The following KCNIP4 variants were observed in gnomAD, a reference collection of about 807,000 sequenced individuals.
The protein encoded by KCNIP4 is potassium voltage-gated channel interacting protein 4, also known as Kv channel-interacting protein 4.
A neutral mutation model predicts 34.0 loss-of-function variants in KCNIP4; 12 were observed. That is an observed-to-expected ratio of 0.35 (90% CI 0.23 to 0.57). KCNIP4 has a LOEUF of 0.57. Among genes scored for constraint, KCNIP4 ranks in the 20% least tolerant of loss-of-function variants. The pLI, the probability that KCNIP4 is intolerant of heterozygous loss-of-function variation, is 0.83. For missense variants in KCNIP4, 238 were observed against 311.7 expected, an observed-to-expected ratio of 0.76 and a Z score of 1.78; for synonymous variants, 124 against 102.2, an observed-to-expected ratio of 1.21 and a Z score of -1.29.
At position 21,304,087 on chromosome 4, in the gene KCNIP4, C is replaced by CAG. The variant is rs145509516; in HGVS notation, c.62-421380_62-421379dup. Reference sequence around the variant, plus strand: ...AGAGAGACAGAGAGAGAGAGAGAGACAGAGAGAGAGAGAGAGAGAGACAGA... The same window carrying CAG: ...AGAGAGACAGAGAGAGAGAGAGAGACAGAGAGAGAGAGAGAGAGAGAGACAGA... On this transcript the variant is annotated intron_variant, in intron 1 of 8. Transcript: ENST00000382152. The CAG allele has an allele frequency of 3.2e-3, 408 of 127,784 alleles. 3 individuals carry two copies. Among genetic ancestry groups the CAG allele is most frequent in the Non-Finnish European group, 3.2e-3 (264 of 81,410 alleles). 7.9% of individuals were successfully genotyped at this position (127,784 alleles called of 1,614,324 possible). A position where few individuals can be genotyped will look rare whatever the true frequency, so the allele number is the denominator to read the frequency against.
chr4:21,080,720 CTTT>C (rs1745930982), intron 1 of KCNIP4, among the ~76,000 whole-genome samples: 1 of 89,274 alleles, frequency 1.1e-5, no homozygotes, highest in African/African-American at 4.1e-5. Context: ...TATATATTTA[CTTT>C]ATTTATTCTA....
At chr4:21,584,037 G>C (rs1741432091) in intron 1 of KCNIP4, among the ~76,000 whole-genome samples, 1 of 152,108 alleles carries the variant, frequency 6.6e-6, no homozygotes, top group South Asian at 2.1e-4. Flanking sequence ...AATAACATAA[G>C]ATTTATATTA....
chr4:21,242,042 C>T (rs1031611669), intron 1 of KCNIP4, among the ~76,000 whole-genome samples: 1 of 151,296 alleles, frequency 6.6e-6, no homozygotes, highest in Admixed American at 6.6e-5. Context: ...TGGGTGCCTG[C>T]AGTCCCAGCT....
chr4:21,313,571 T>G (rs1325483747), intron 1 of KCNIP4, among the ~76,000 whole-genome samples: 2 of 152,278 alleles, frequency 1.3e-5, no homozygotes, highest in Admixed American at 1.3e-4. Flanking sequence ...TGAATACTAA[T>G]TAAGTATATA....
At chr4:21,201,319 A>T (rs1268050437) in intron 1 of KCNIP4, among the ~76,000 whole-genome samples, 1 of 152,216 alleles carries the variant, frequency 6.6e-6, no homozygotes, top group Non-Finnish European at 1.5e-5. Flanking sequence ...CATTCAAGTT[A>T]AAAGAACAGG....
rs1434741670 is a variant in KCNIP4 at position 21,502,814 on chromosome 4, C to A, written c.61+445757G>T. 2.6e-5 allele frequency among the ~76,000 whole-genome samples: 4 copies of A among 152,252 alleles called. No individual in the cohort carries two copies. In the East Asian group the frequency reaches 7.7e-4, roughly 29 times the overall value. ...CCACAGAGTGCGGGCTCACTATAAC[C>A]CTTAGCATGCTCTAAGGGGTTATTA... On this transcript the variant is annotated intron_variant, in intron 1 of 8. Coordinates refer to ENST00000382152, the MANE Select transcript of KCNIP4 (RefSeq NM_025221.6).
At chr4:21,093,408 A>T (rs1747168916) in intron 1 of KCNIP4, among the ~76,000 whole-genome samples, 1 of 152,224 alleles carries the variant, frequency 6.6e-6, no homozygotes, top group Admixed American at 6.5e-5. Flanking sequence ...TGAATGCAAG[A>T]TACCTTATAA....
chr4:21,169,394 C>G (rs1213823891), intron 1 of KCNIP4, among the ~76,000 whole-genome samples: 1 of 152,122 alleles, frequency 6.6e-6, no homozygotes. Flanking sequence ...TCAAGCAACC[C>G]TCCCTCCTCA....
intron 1 of KCNIP4, among the ~76,000 whole-genome samples, chr4:21,169,090 A>C (rs1178065202): frequency 6.6e-6 from 1 of 152,176 alleles, no homozygotes; most frequent in East Asian, 1.9e-4. Context: ...ATGTACGTGC[A>C]TGTTAAGTCA....
intron 1 of KCNIP4, among the ~76,000 whole-genome samples, chr4:20,935,329 CAAAATTGATGTCA>C (rs1730955781): frequency 6.6e-6 from 1 of 152,088 alleles, no homozygotes; most frequent in Non-Finnish European, 1.5e-5. Context: ...TCAACATGTC[CAAAATTGATGTCA>C]TCATGACAGT....
intron 1 of KCNIP4, among the ~76,000 whole-genome samples, chr4:21,330,035 G>C (rs1009749373): frequency 2.0e-5 from 3 of 152,094 alleles, no homozygotes; most frequent in African/African-American, 7.2e-5. Flanking sequence ...AATGTATTCA[G>C]ACTTCATAAG....
chr4:21,344,494 C>A (rs950066092), intron 1 of KCNIP4, among the ~76,000 whole-genome samples: 3 of 151,896 alleles, frequency 2.0e-5, no homozygotes, highest in Admixed American at 6.6e-5. Flanking sequence ...AACAGTGGGG[C>A]AGATAAATTA....
At chr4:21,268,486 A>G (rs2109126245) in intron 1 of KCNIP4, among the ~76,000 whole-genome samples, 1 of 152,266 alleles carries the variant, frequency 6.6e-6, no homozygotes, top group South Asian at 2.1e-4. Flanking sequence ...TTAATTAGCT[A>G]TTGATGTTTT....
intron 3 of KCNIP4, among the ~76,000 whole-genome samples, chr4:20,770,232 T>C (rs986665934): frequency 2.0e-5 from 3 of 152,130 alleles, no homozygotes; most frequent in African/African-American, 7.2e-5. Context: ...GCACCTGCCA[T>C]AGTTTAATGC....
intron 1 of KCNIP4, among the ~76,000 whole-genome samples, chr4:21,618,612 C>A (rs374789816): frequency 6.7e-5 from 8 of 118,906 alleles, no homozygotes; most frequent in African/African-American, 2.4e-4. Flanking sequence ...ATTTTCTTTT[C>A]TTTTTCTTTT....
chr4:21,070,637 G>A (rs1199832382), intron 1 of KCNIP4, among the ~76,000 whole-genome samples: 1 of 102,776 alleles, frequency 9.7e-6, no homozygotes, highest in African/African-American at 3.6e-5. Flanking sequence ...TATTTGAATT[G>A]TCTGTTTTTA....
At chr4:21,084,996 T>C in intron 1 of KCNIP4, among the ~76,000 whole-genome samples, 1 of 150,014 alleles carries the variant, frequency 6.7e-6, no homozygotes, top group African/African-American at 2.5e-5. Context: ...TATATTATTA[T>C]ATATCTACAT....
chr4:21,820,281 G>GTTTATA (rs1485869715), intron 1 of KCNIP4, among the ~76,000 whole-genome samples: 4 of 17,912 alleles, frequency 2.2e-4, no homozygotes, highest in Admixed American at 7.8e-4. Context: ...GTATGTGTGT[G>GTTTATA]TGTGTATATA....
At chr4:21,487,710 G>C (rs4552441) in intron 1 of KCNIP4, among the ~76,000 whole-genome samples, 5 of 152,036 alleles carry the variant, frequency 3.3e-5, no homozygotes, top group Middle Eastern at 3.4e-3. Context: ...TCCATAATTT[G>C]TTTCAATATA....
Sources: gnomAD v4.1 joint callset for allele counts (sites outside exome capture counted in the v4.1 genomes callset) on GRCh38, gnomAD v4.1.1 for gene constraint, MANE v1.5 for transcripts, NCBI Gene and HGNC (gene_info 2026-07-23, HGNC 2026-07-21) for gene names.